Variants in ZMPSTE24 observed in about 807,000 individuals in gnomAD.
ZMPSTE24 encodes the protein zinc metallopeptidase STE24.
A neutral mutation model predicts 56.7 loss-of-function variants in ZMPSTE24; 48 were observed. The ratio of observed to expected loss-of-function variants is 0.85; its 90% CI spans 0.67 to 1.08. The LOEUF (loss-of-function observed/expected upper bound fraction) is 1.08. Ranked by LOEUF, ZMPSTE24 falls within the 50% of genes least tolerant of loss-of-function variation. The pLI, the probability that ZMPSTE24 is intolerant of heterozygous loss-of-function variation, is 0.00. For missense variants in ZMPSTE24, 503 were observed against 548.7 expected (o/e 0.92, Z 0.83); for synonymous variants, 172 against 195.2 (o/e 0.88, Z 0.99).
intron 5 of ZMPSTE24, among the ~76,000 whole-genome samples, chr1:40,271,398 G>A (rs903701688): frequency 1.3e-5 from 2 of 152,202 alleles, no homozygotes; most frequent in African/African-American, 4.8e-5. Flanking sequence ...TTAAGGAAGT[G>A]CTATTTCAAC....
intron 1 of ZMPSTE24, 75 bp downstream of exon 1, chr1:40,258,469 CTCT>C: frequency 1.9e-6 from 3 of 1,607,544 alleles, no homozygotes; most frequent in Non-Finnish European, 2.5e-6. Context: ...GACCCTGAGA[CTCT>C]TGATTGCTTC....
At chr1:40,282,187 A>C (rs749006199) in intron 7 of ZMPSTE24, among the ~76,000 whole-genome samples, 2 of 152,244 alleles carry the variant, frequency 1.3e-5, no homozygotes, top group Non-Finnish European at 2.9e-5. Context: ...TGCTACTGTC[A>C]AGCTTTAGAT....
intron 7 of ZMPSTE24, among the ~76,000 whole-genome samples, chr1:40,285,718 T>G (rs1042030425): frequency 1.3e-5 from 2 of 150,848 alleles, no homozygotes; most frequent in African/African-American, 5.0e-5. Flanking sequence ...AATGTCCATC[T>G]TGTTCGTCAT....
chr1:40,266,100 A>G (rs1480748757), intron 2 of ZMPSTE24, among the ~76,000 whole-genome samples: 2 of 152,344 alleles, frequency 1.3e-5, no homozygotes, highest in East Asian at 1.9e-4. Flanking sequence ...CAAATCATAG[A>G]CTGATAAGTA....
chr1:40,258,864 A>C (rs958254690), intron 1 of ZMPSTE24, among the ~76,000 whole-genome samples: 1 of 152,102 alleles, frequency 6.6e-6, no homozygotes, highest in Non-Finnish European at 1.5e-5. Flanking sequence ...CAAACAAACA[A>C]AAAACTTATC....
In ZMPSTE24 at chr1:40,268,066, A is replaced by G. The variant is rs1456695110; in HGVS notation, c.357+194A>G. On this transcript the variant is annotated intron_variant, in intron 3 of 9. Transcript: ENST00000372759. ...CCAGAATATCACAGGCTTATTTGCAATGGTTTATTTCTCAATCACGTAATA... is the reference window on the plus strand; with the variant it reads ...CCAGAATATCACAGGCTTATTTGCAGTGGTTTATTTCTCAATCACGTAATA... Among the ~76,000 whole-genome samples, 6 of 152,234 alleles carry G rather than the reference A, an allele frequency of 3.9e-5. 1 individual carries two copies. Among genetic ancestry groups the G allele is most frequent in the Non-Finnish European group, 5.9e-5 (4 of 68,042 alleles).
At chr1:40,290,004 G>A (rs1643824334) in intron 8 of ZMPSTE24, among the ~76,000 whole-genome samples, 1 of 152,168 alleles carries the variant, frequency 6.6e-6, no homozygotes, top group South Asian at 2.1e-4. Flanking sequence ...AATGATAGGA[G>A]CCTCAACTTA....
chr1:40,265,203 C>T (rs1006045514), intron 2 of ZMPSTE24, among the ~76,000 whole-genome samples: 3 of 152,156 alleles, frequency 2.0e-5, no homozygotes, highest in Non-Finnish European at 4.4e-5. Flanking sequence ...GTGGCCTTTA[C>T]TAAAAGCATT....
At chr1:40,258,469 C>CTCT in intron 1 of ZMPSTE24, 75 bp downstream of exon 1, 1 of 1,607,544 alleles carries the variant, frequency 6.2e-7, no homozygotes, top group Non-Finnish European at 8.5e-7. Context: ...GACCCTGAGA[C>CTCT]TCTTGATTGC....
chr1:40,281,232 A>G, intron 6 of ZMPSTE24, 111 bp from the exon 7 acceptor site: 1 of 1,064,156 alleles, frequency 9.4e-7, no homozygotes, highest in South Asian at 1.3e-5. Flanking sequence ...TCACATATTA[A>G]ATGATTTGAA....
intron 4 of ZMPSTE24, among the ~76,000 whole-genome samples, chr1:40,268,933 G>A (rs1431559291): frequency 2.6e-5 from 4 of 151,516 alleles, no homozygotes; most frequent in South Asian, 2.1e-4. Context: ...AAAATTAGCC[G>A]GGCTTGGTGG....
At chr1:40,274,858 G>A (rs1643652724) in intron 6 of ZMPSTE24, among the ~76,000 whole-genome samples, 1 of 152,096 alleles carries the variant, frequency 6.6e-6, no homozygotes, top group Non-Finnish European at 1.5e-5. Context: ...AAGTTTTAGG[G>A]TAGAGTTGAT....
At chr1:40,271,121 C>G (rs903671882) in intron 5 of ZMPSTE24, among the ~76,000 whole-genome samples, 3 of 152,164 alleles carry the variant, frequency 2.0e-5, no homozygotes, top group Non-Finnish European at 4.4e-5. Flanking sequence ...GGCTATTTCA[C>G]AGGCATGATC....
chr1:40,265,530 C>T (rs1643540225), intron 2 of ZMPSTE24, among the ~76,000 whole-genome samples: 2 of 151,976 alleles, frequency 1.3e-5, no homozygotes, highest in Non-Finnish European at 2.9e-5. Flanking sequence ...AGTGAGACCC[C>T]ATCTGTACAA....
At chr1:40,273,545 T>A (rs1326468678) in intron 6 of ZMPSTE24, among the ~76,000 whole-genome samples, 1,338 of 68,018 alleles carry the variant, frequency 0.02, 69 homozygotes, top group African/African-American at 0.11. Context: ...AAAATATATA[T>A]ATATATATAT....
intron 1 of ZMPSTE24, 55 bp downstream of exon 1, chr1:40,258,449 C>A: frequency 6.2e-7 from 1 of 1,612,312 alleles, no homozygotes; most frequent in Admixed American, 1.7e-5. Context: ...CCTGGAGTAG[C>A]CTTGGCTTCG....
chr1:40,268,906 C>T (rs1029444636), intron 4 of ZMPSTE24, among the ~76,000 whole-genome samples: 4 of 151,134 alleles, frequency 2.6e-5, no homozygotes, highest in Non-Finnish European at 5.9e-5. Flanking sequence ...TGAAACCCGT[C>T]TCTACTGAAA....
chr1:40,269,491 G>A (rs61779103), intron 4 of ZMPSTE24, among the ~76,000 whole-genome samples: 7,448 of 152,094 alleles, frequency 0.049, 521 homozygotes, highest in African/African-American at 0.16. Flanking sequence ...ACAGGGTCTC[G>A]TTCTGTCACC....
chr1:40,287,994 T>C (rs1230100238), intron 8 of ZMPSTE24, among the ~76,000 whole-genome samples: 1 of 151,930 alleles, frequency 6.6e-6, no homozygotes, highest in East Asian at 1.9e-4. Context: ...CTGGGCAACA[T>C]AGCGAGACCC....
Sources: gnomAD v4.1 joint callset for allele counts (sites outside exome capture counted in the v4.1 genomes callset) on GRCh38, gnomAD v4.1.1 for gene constraint, MANE v1.5 for transcripts, NCBI Gene and HGNC (gene_info 2026-07-23, HGNC 2026-07-21) for gene names.